Variants in MAFK observed in about 807,000 individuals in gnomAD.
The protein encoded by MAFK is MAF bZIP transcription factor K.
Under a neutral mutation model 9.2 loss-of-function variants are expected in MAFK, and 1 was observed. The observed-to-expected ratio is 0.11, with a 90% CI of 0.04 to 0.52. The LOEUF (loss-of-function observed/expected upper bound fraction) is 0.52, where lower values mean the gene tolerates loss of function less well. MAFK is among the 20% of genes least tolerant of loss of function. The probability of loss-of-function intolerance (pLI) is 0.94; values close to 1 mark genes in which losing one functional copy is unlikely to be tolerated. For missense variants in MAFK, 207 were observed against 236.0 expected (o/e 0.88, Z 0.81); for synonymous variants, 110 against 107.4 (o/e 1.02, Z -0.15).
intron 1 of MAFK, among the ~76,000 whole-genome samples, chr7:1,536,451 C>A (rs921158428): frequency 6.6e-6 from 1 of 152,302 alleles, no homozygotes; most frequent in East Asian, 1.9e-4. Context: ...GGCGTCTCTG[C>A]GACCCCAGGC....
rs1031520827 is a variant in MAFK at position 1,540,463 on chromosome 7, C to G, written c.*88C>G. The G allele has an allele frequency of 9.4e-5, 119 of 1,260,388 alleles. No individual in the cohort carries two copies. The highest frequency in any genetic ancestry group is 1.2e-4 in the Non-Finnish European group (116 of 931,454). 78.1% of individuals were successfully genotyped at this position (1,260,388 alleles called of 1,614,324 possible). ...CTCGTACCTGTCACTGGGATGCAGA[C>G]TCTCGACATCCGAGTCCAAGCGCAG... On this transcript the variant is annotated 3_prime_UTR_variant, in exon 3 of 3. Transcript: ENST00000343242.
chr7:1,531,876 C>T (rs1320530462), intron 1 of MAFK, among the ~76,000 whole-genome samples: 1 of 152,266 alleles, frequency 6.6e-6, no homozygotes. Flanking sequence ...TCCCGTGTCC[C>T]TCTCCTGGTG....
chr7:1,542,570 A>C lies in MAFK; in HGVS notation c.*2195A>C, dbSNP rs1316566292. 1 of 152,278 alleles carries C rather than the reference A, an allele frequency of 6.6e-6. No homozygotes were observed. Among genetic ancestry groups the C allele is most frequent in the East Asian group, 1.9e-4 (1 of 5,188 alleles). The allele number at this position is 152,278 out of a possible 1,614,324, so 9.4% of individuals were successfully genotyped here. ...AGGGACTCCCTGGTCCCCAGGGTGGACGGAGCCGCTGTCACCGCCCAGAGC... is the reference window on the plus strand; with the variant it reads ...AGGGACTCCCTGGTCCCCAGGGTGGCCGGAGCCGCTGTCACCGCCCAGAGC... On this transcript the variant is annotated 3_prime_UTR_variant, in exon 3 of 3. Coordinates refer to ENST00000343242, the MANE Select transcript of MAFK (RefSeq NM_002360.4).
chr7:1,540,157 G>C lies in MAFK; in HGVS notation c.253G>C (p.Glu85Gln). 6.4e-7 allele frequency: 1 copy of C among 1,571,096 alleles called. No individual in the cohort carries two copies. The highest frequency in any genetic ancestry group is 8.6e-7 in the Non-Finnish European group (1 of 1,158,584). The change falls in exon 3 of 3, where the codon GAG (glutamate) becomes CAG (glutamine). Residue 85 changes from glutamate to glutamine, a missense_variant. Transcript: ENST00000343242. Reference protein sequence around the residue: ...QKEELERQRVELQQEVEKLAR... With the variant: ...QKEELERQRVQLQQEVEKLAR... ...GGAGGAGCTGGAGCGGCAGCGCGTG[G>C]AGCTGCAGCAGGAGGTGGAGAAGCT...
chr7:1,532,595 C>T lies in MAFK; in HGVS notation c.-45+1697C>T, dbSNP rs934543081. Reference sequence around the variant, plus strand: ...GGTAAACCCGGGAGCCAGCGTTTACCGAGGGTCAGGGTTGTCGGGGCGCCA... The same window carrying T: ...GGTAAACCCGGGAGCCAGCGTTTACTGAGGGTCAGGGTTGTCGGGGCGCCA... On this transcript the variant is annotated intron_variant, in intron 1 of 2. Coordinates refer to ENST00000343242, the MANE Select transcript of MAFK (RefSeq NM_002360.4). The surrounding 1 kb of genome is among the most constrained non-coding windows in gnomAD (Gnocchi z 4.5). Among the ~76,000 whole-genome samples the T allele has an allele frequency of 1.3e-5, 2 of 152,144 alleles. No homozygotes were observed. The highest frequency in any genetic ancestry group is 2.9e-5 in the Non-Finnish European group (2 of 68,022).
In MAFK at chr7:1,534,349, C is replaced by G; in HGVS notation, c.-45+3451C>G. On this transcript the variant is annotated intron_variant, in intron 1 of 2. Coordinates refer to ENST00000343242, the MANE Select transcript of MAFK (RefSeq NM_002360.4). The surrounding 1 kb of genome is among the most constrained non-coding windows in gnomAD (Gnocchi z 4.3). Reference sequence around the variant, plus strand: ...GGGTACCAGTGCCACAGCGGCCCCACCTACCCTTGCGGCCCAGTGTGGAGG... The same window carrying G: ...GGGTACCAGTGCCACAGCGGCCCCAGCTACCCTTGCGGCCCAGTGTGGAGG... 2.2e-6 allele frequency: 1 copy of G among 452,792 alleles called. No homozygotes were observed. The highest frequency in any genetic ancestry group is 4.5e-6 in the Non-Finnish European group (1 of 224,204). 28.0% of individuals were successfully genotyped at this position (452,792 alleles called of 1,614,324 possible).
chr7:1,533,734 G>A (rs1321083066), intron 1 of MAFK, among the ~76,000 whole-genome samples: 2 of 151,940 alleles, frequency 1.3e-5, no homozygotes, highest in Non-Finnish European at 2.9e-5. Flanking sequence ...CCTGGTTGGC[G>A]CGTGGATGAG....
Position 1,540,623 on chromosome 7 carries a change from CTG to C in MAFK, c.*255_*256del, listed in dbSNP as rs1174111829. On this transcript the variant is annotated 3_prime_UTR_variant, in exon 3 of 3. Transcript: ENST00000343242. ...GCCACCTGCTCCCCGCAGGATGTGT[CTG>C]TGTGTGGGAATTGGTATCTTGCACC... 1 of 518,124 alleles carries C rather than the reference CTG, an allele frequency of 1.9e-6. No individual in the cohort carries two copies. The highest frequency in any genetic ancestry group is 3.8e-5 in the Admixed American group (1 of 26,554). 32.1% of individuals were successfully genotyped at this position (518,124 alleles called of 1,614,324 possible).
rs754120411 is a variant in MAFK, at chr7:1,540,195, C to T, written c.291C>T (p.Asn97=). ...AGGTGGAGAAGCTGGCGCGTGAGAACAGCAGCATGCGGCTGGAGCTGGACG... is the reference window on the plus strand; with the variant it reads ...AGGTGGAGAAGCTGGCGCGTGAGAATAGCAGCATGCGGCTGGAGCTGGACG... ...QQEVEKLARE[N]SSMRLELDAL... Residue 97 remains asparagine, a synonymous_variant, in exon 3 of 3, where the codon AAC becomes AAT. Coordinates refer to ENST00000343242, the MANE Select transcript of MAFK (RefSeq NM_002360.4). 3 of 1,587,698 alleles carry T rather than the reference C, an allele frequency of 1.9e-6. No individual in the cohort carries two copies. Among genetic ancestry groups the T allele is most frequent in the Admixed American group, 1.8e-5 (1 of 56,240 alleles).
At chr7:1,537,572 T>C in intron 1 of MAFK, 1 of 985,542 alleles carries the variant, frequency 1.0e-6, no homozygotes, top group Non-Finnish European at 1.2e-6. Flanking sequence ...CGAAGGAGCC[T>C]GGAGCCCACC....
intron 1 of MAFK, among the ~76,000 whole-genome samples, chr7:1,533,060 G>A (rs1021710898): frequency 2.6e-5 from 4 of 152,318 alleles, no homozygotes; most frequent in African/African-American, 7.2e-5. Context: ...TGGGAGTGTC[G>A]TCTTAAAATC....
chr7:1,540,934 T>A lies in MAFK; in HGVS notation c.*559T>A. ...TCCAGCTGTCCCGTTGCAGTGCCCG[T>A]GATCCGCGTCTGCCTTAGCAGGGGC... On this transcript the variant is annotated 3_prime_UTR_variant, in exon 3 of 3. Coordinates refer to ENST00000343242, the MANE Select transcript of MAFK (RefSeq NM_002360.4). The A allele has an allele frequency of 6.4e-6, 1 of 156,376 alleles. No individual in the cohort carries two copies. Among genetic ancestry groups the A allele is most frequent in the Non-Finnish European group, 1.4e-5 (1 of 70,674 alleles). 9.7% of individuals were successfully genotyped at this position (156,376 alleles called of 1,614,324 possible).
rs1162099339 is a variant in MAFK, at chr7:1,532,816, G to C, written c.-45+1918G>C. On this transcript the variant is annotated intron_variant, in intron 1 of 2. Transcript: ENST00000343242. This position sits in a 1 kb window ranked among gnomAD's most constrained non-coding sequence, Gnocchi z 4.5. ...TGTCCCAGCTGTTTCTGAGTCTAAA[G>C]GTTTCTGGAGTGGACTTTCTGGGTT... 5.9e-5 allele frequency among the ~76,000 whole-genome samples: 9 copies of C among 152,158 alleles called. No individual in the cohort carries two copies. Among genetic ancestry groups the C allele is most frequent in the Non-Finnish European group, 1.2e-4 (8 of 68,034 alleles).
chr7:1,537,019 C>T lies in MAFK; in HGVS notation c.-44-2130C>T, dbSNP rs535184269. 3.8e-3 allele frequency among the ~76,000 whole-genome samples: 573 copies of T among 152,360 alleles called. 3 individuals are homozygous for T. Among genetic ancestry groups the T allele is most frequent in the African/African-American group, 0.013 (555 of 41,586 alleles). On this transcript the variant is annotated intron_variant, in intron 1 of 2. Coordinates refer to ENST00000343242, the MANE Select transcript of MAFK (RefSeq NM_002360.4). ...TCGAAGTACTGGGGTTGGAGCGGGG[C>T]ACAGGCGTGCTTCAGTAGCCCTGGC... is the stretch of plus-strand genomic sequence containing the variant.
chr7:1,536,064 C>T (rs1404577636), intron 1 of MAFK, among the ~76,000 whole-genome samples: 6 of 152,240 alleles, frequency 3.9e-5, no homozygotes, highest in African/African-American at 1.2e-4. Flanking sequence ...ATCCGAAAAC[C>T]AGTTACCTGA....
Position 1,538,439 on chromosome 7 carries a change from C to T in MAFK, c.-44-710C>T, listed in dbSNP as rs894023515. On this transcript the variant is annotated intron_variant, in intron 1 of 2. Transcript: ENST00000343242. ...TAGGTGGAGGTGGTGATGTCACAGC[C>T]GCAGCGGCCAGGGCCGTGGTAGGTG... 27 of 981,552 alleles carry T rather than the reference C, an allele frequency of 2.8e-5. No individual in the cohort carries two copies. The African/African-American group carries it at 3.2e-4, about 12-fold the overall frequency. The allele number at this position is 981,552 out of a possible 1,614,324, so 60.8% of individuals were successfully genotyped here.
At chr7:1,531,376 C>A (rs970917806) in intron 1 of MAFK, among the ~76,000 whole-genome samples, 1 of 152,118 alleles carries the variant, frequency 6.6e-6, no homozygotes, top group African/African-American at 2.4e-5. Context: ...CTGCCCCCCG[C>A]GCTTCCTCCC....
rs1044531595 is a variant in MAFK, at chr7:1,539,954, C to T, written c.50C>T (p.Ala17Val). The change falls in exon 3 of 3, where the codon GCG becomes GTG. Residue 17 changes from alanine (A) to valine (V), a missense_variant. Coordinates refer to ENST00000343242, the MANE Select transcript of MAFK (RefSeq NM_002360.4). ...GTGGCCCCCCAGGTCAAGAAGGAGG[C>T]GGGCGAGAACGCCCCGGTGCTCAGC... ...PNKALKVKKE[A>V]GENAPVLSDD... The T allele has an allele frequency of 1.4e-5, 22 of 1,531,512 alleles. No individual in the cohort carries two copies. The highest frequency in any genetic ancestry group is 4.9e-5 in the East Asian group (2 of 40,662). The allele number at this position is 1,531,512 out of a possible 1,614,324, so 94.9% of individuals were successfully genotyped here.
chr7:1,535,909 C>A (rs530849030), intron 1 of MAFK, among the ~76,000 whole-genome samples: 129 of 152,352 alleles, frequency 8.5e-4, no homozygotes, highest in Middle Eastern at 3.4e-3. Flanking sequence ...GTCACTCATC[C>A]CCAGCTGCAG....
Sources: allele counts gnomAD v4.1 joint callset (sites outside exome capture counted in the v4.1 genomes callset), GRCh38; gene constraint gnomAD v4.1.1; non-coding constraint Gnocchi (gnomAD v3.1); transcripts MANE v1.5; gene names NCBI Gene and HGNC (gene_info 2026-07-23, HGNC 2026-07-21).